GNB4: variants seen among roughly 807,000 people sequenced by gnomAD.
The protein encoded by GNB4 is guanine nucleotide-binding protein subunit beta-4.
Under a neutral mutation model 45.2 loss-of-function variants are expected in GNB4, and 28 were observed. The ratio of observed to expected loss-of-function variants is 0.62; its 90% CI spans 0.46 to 0.85. The LOEUF (loss-of-function observed/expected upper bound fraction) is 0.85. Among genes scored for constraint, GNB4 ranks in the 40% least tolerant of loss-of-function variants. GNB4 has a pLI of 0.00. For synonymous variants in GNB4, 132 were observed against 143.7 expected, an observed-to-expected ratio of 0.92 and a Z score of 0.58; for missense variants, 321 against 425.4, an observed-to-expected ratio of 0.75 and a Z score of 2.16.
chr3:179,399,167 CTACAAATAAACATTAATAG>C lies in GNB4; in HGVS notation c.*2027_*2045del, dbSNP rs1475474086. On this transcript the variant is annotated 3_prime_UTR_variant, in exon 10 of 10. Transcript: ENST00000232564. Reference sequence around the variant, plus strand: ...TTCTTTATGAAGTGATATAAATAGCCTACAAATAAACATTAATAGCAAAAGTTCATATAATTTTTTTTTT... The same window carrying C: ...TTCTTTATGAAGTGATATAAATAGCCCAAAAGTTCATATAATTTTTTTTTT... The C allele has an allele frequency of 1.6e-4, 24 of 152,126 alleles. No homozygotes were observed. Among genetic ancestry groups the C allele is most frequent in the African/African-American group, 5.5e-4 (23 of 41,482 alleles). The allele number at this position is 152,126 out of a possible 1,614,324, so 9.4% of individuals were successfully genotyped here. A position where few individuals can be genotyped will look rare whatever the true frequency, so the allele number is the denominator to read the frequency against.
At chr3:179,506,423 G>A in the GNB4 span, among the ~76,000 whole-genome samples, 4 of 152,106 alleles carry the variant, frequency 2.6e-5, no homozygotes, top group Non-Finnish European at 4.4e-5. Context: ...TGTGAGTGAT[G>A]TTTAAAATGT....
At chr3:179,497,269 T>C in the GNB4 span, among the ~76,000 whole-genome samples, 2 of 152,162 alleles carry the variant, frequency 1.3e-5, no homozygotes, top group Admixed American at 6.5e-5. Context: ...ATAGAATCTT[T>C]AGTAAATTAT....
chr3:179,451,054 CCGACCGTTCCTCGCTCCCCGGGGCGAG>C (rs1426800791), intron 1 of GNB4: 1 of 152,202 alleles, frequency 6.6e-6, no homozygotes, highest in African/African-American at 2.4e-5. Flanking sequence ...ACTTGGACCG[CCGACCGTTCCTCGCTCCCCGGGGCGAG>C]CGGTCTGGAC....
chr3:179,402,098 A>G (rs1376685294), intron 9 of GNB4, among the ~76,000 whole-genome samples: 1 of 152,194 alleles, frequency 6.6e-6, no homozygotes, highest in Non-Finnish European at 1.5e-5. Context: ...AACTCTTAAT[A>G]TTCTCTATAG....
At chr3:179,522,766 A>T in the GNB4 span, among the ~76,000 whole-genome samples, 1 of 152,176 alleles carries the variant, frequency 6.6e-6, no homozygotes, top group African/African-American at 2.4e-5. Context: ...TGGATCAGAG[A>T]GATACAGTCA....
chr3:179,441,487 A>C (rs1715591799), intron 1 of GNB4, among the ~76,000 whole-genome samples: 1 of 152,152 alleles, frequency 6.6e-6, no homozygotes, highest in Admixed American at 6.5e-5. Context: ...TAATTCTAGC[A>C]ATTTTGGAGG....
At chr3:179,470,744 C>T in the GNB4 span, among the ~76,000 whole-genome samples, 1 of 151,702 alleles carries the variant, frequency 6.6e-6, no homozygotes, top group Non-Finnish European at 1.5e-5. Flanking sequence ...GGGGTTTTAT[C>T]GTGTTAGCCA....
chr3:179,517,369 T>C, the GNB4 span, among the ~76,000 whole-genome samples: 2 of 151,746 alleles, frequency 1.3e-5, no homozygotes, highest in African/African-American at 4.8e-5. Context: ...CACCCCTATC[T>C]CCCTTCGCTG....
chr3:179,402,290 C>G (rs969164873), intron 9 of GNB4, among the ~76,000 whole-genome samples: 1 of 152,202 alleles, frequency 6.6e-6, no homozygotes, highest in South Asian at 2.1e-4. Context: ...CTGAAACCAG[C>G]TTGTAGGCAA....
the GNB4 span, among the ~76,000 whole-genome samples, chr3:179,524,094 T>G: frequency 6.6e-6 from 1 of 152,228 alleles, no homozygotes; most frequent in African/African-American, 2.4e-5. Flanking sequence ...CTCCATATTT[T>G]AATTAAGAAG....
intron 1 of GNB4, among the ~76,000 whole-genome samples, chr3:179,447,742 A>T (rs1259856779): frequency 6.6e-6 from 1 of 152,152 alleles, no homozygotes; most frequent in East Asian, 1.9e-4. Flanking sequence ...TAACTTTTTA[A>T]AAAAGATGGT....
chr3:179,402,381 A>C (rs1714329102), intron 9 of GNB4, among the ~76,000 whole-genome samples: 1 of 152,228 alleles, frequency 6.6e-6, no homozygotes, highest in African/African-American at 2.4e-5. Context: ...GTTTCAATCC[A>C]GGCAAAACAC....
At chr3:179,429,116 T>C (rs556445226) in intron 1 of GNB4, among the ~76,000 whole-genome samples, 1 of 152,314 alleles carries the variant, frequency 6.6e-6, no homozygotes, top group Non-Finnish European at 1.5e-5. Context: ...AGAACACAAG[T>C]CCCTAGTGGC....
intron 1 of GNB4, among the ~76,000 whole-genome samples, chr3:179,431,748 G>A (rs948022654): frequency 2.0e-5 from 3 of 152,150 alleles, no homozygotes; most frequent in Non-Finnish European, 4.4e-5. Context: ...TGATGCTGTG[G>A]ACTTCATACT....
chr3:179,487,466 T>C, the GNB4 span, among the ~76,000 whole-genome samples: 1 of 151,880 alleles, frequency 6.6e-6, no homozygotes, highest in South Asian at 2.1e-4. Context: ...AAAAACTGAG[T>C]TCCCAGCCAT....
chr3:179,426,321 A>T (rs1229473275), intron 1 of GNB4, 79 bp from the exon 2 acceptor site: 1 of 672,984 alleles, frequency 1.5e-6, no homozygotes, highest in African/African-American at 1.9e-5. Context: ...CTGACATATA[A>T]CTTCTTTTTG....
chr3:179,445,674 G>A (rs1031906247), intron 1 of GNB4, among the ~76,000 whole-genome samples: 3 of 151,550 alleles, frequency 2.0e-5, no homozygotes, highest in Non-Finnish European at 4.4e-5. Flanking sequence ...ATATAAATAG[G>A]AGAGTAGTTA....
At chr3:179,409,635 C>G (rs1230388984) in intron 8 of GNB4, among the ~76,000 whole-genome samples, 4 of 151,696 alleles carry the variant, frequency 2.6e-5, no homozygotes, top group African/African-American at 7.3e-5. Flanking sequence ...CATGGTGAAA[C>G]CCCTTCTCTA....
At chr3:179,464,858 A>G in the GNB4 span, 1 of 1,365,628 alleles carries the variant, frequency 7.3e-7, no homozygotes, top group South Asian at 1.2e-5. Flanking sequence ...CCAGTATTCC[A>G]TGTTACCGGC....
Sources: allele counts gnomAD v4.1 joint callset (sites outside exome capture counted in the v4.1 genomes callset), GRCh38; gene constraint gnomAD v4.1.1; transcripts MANE v1.5; gene names NCBI Gene and HGNC (gene_info 2026-07-23, HGNC 2026-07-21).